FHIT: variants seen among roughly 807,000 people sequenced by gnomAD.
FHIT encodes fragile histidine triad diadenosine triphosphatase.
A neutral mutation model predicts 17.9 loss-of-function variants in FHIT; 19 were observed. The observed-to-expected ratio is 1.06, with a 90% confidence interval of 0.74 to 1.56. FHIT has a LOEUF of 1.56. Among genes scored for constraint, FHIT ranks in the 40% most tolerant of loss-of-function variants. The pLI, the probability that FHIT is intolerant of heterozygous loss-of-function variation, is 0.00. For missense variants in FHIT, 248 were observed against 189.2 expected (o/e 1.31, Z -1.82); for synonymous variants, 81 against 69.7 (o/e 1.16, Z -0.81).
intron 1 of FHIT, among the ~76,000 whole-genome samples, chr3:61,231,803 A>AGTTT (rs2040109326): frequency 6.6e-6 from 1 of 152,208 alleles, no homozygotes; most frequent in East Asian, 1.9e-4. Context: ...GGAAAAAAGA[A>AGTTT]AGGCTGAGGC....
intron 4 of FHIT, among the ~76,000 whole-genome samples, chr3:60,695,659 C>T (rs1443414063): frequency 6.6e-6 from 1 of 152,128 alleles, no homozygotes; most frequent in East Asian, 1.9e-4. Context: ...TAATCCCTAA[C>T]AAGAGTTCAA....
intron 5 of FHIT, among the ~76,000 whole-genome samples, chr3:60,049,940 C>T (rs1211054312): frequency 2.0e-5 from 3 of 152,142 alleles, no homozygotes; most frequent in African/African-American, 4.8e-5. Context: ...TTTTATGCAT[C>T]CTCACTAATA....
chr3:61,074,031 G>C (rs932254152), intron 2 of FHIT, among the ~76,000 whole-genome samples: 18 of 152,156 alleles, frequency 1.2e-4, no homozygotes, highest in African/African-American at 1.9e-4. Flanking sequence ...TTAGACACGA[G>C]AATGTAATTG....
chr3:60,608,215 CTTCAT>C (rs2107726349), intron 4 of FHIT, among the ~76,000 whole-genome samples: 1 of 152,312 alleles, frequency 6.6e-6, no homozygotes, highest in East Asian at 1.9e-4. Flanking sequence ...TCTCTTTCCT[CTTCAT>C]TTCTAGTGGC....
At chr3:60,622,111 A>G (rs721206) in intron 4 of FHIT, among the ~76,000 whole-genome samples, 43 of 152,266 alleles carry the variant, frequency 2.8e-4, no homozygotes, top group African/African-American at 8.7e-4. Flanking sequence ...AGATGACTCA[A>G]TGATTGGTGA....
intron 4 of FHIT, among the ~76,000 whole-genome samples, chr3:60,724,892 TC>T (rs1189718861): frequency 1.3e-5 from 2 of 152,020 alleles, no homozygotes; most frequent in Non-Finnish European, 2.9e-5. Context: ...CAAGTGATCT[TC>T]CCGCCTCAGC....
intron 5 of FHIT, among the ~76,000 whole-genome samples, chr3:60,286,589 C>G (rs1030116705): frequency 2.0e-5 from 3 of 152,124 alleles, no homozygotes; most frequent in African/African-American, 7.2e-5. Flanking sequence ...TTTTTTATCT[C>G]AAACAGAGTG....
intron 2 of FHIT, among the ~76,000 whole-genome samples, chr3:61,107,999 G>C (rs932248071): frequency 6.6e-6 from 1 of 152,140 alleles, no homozygotes; most frequent in African/African-American, 2.4e-5. Flanking sequence ...AAAACCTTTA[G>C]GCTGAACTTA....
chr3:60,889,169 T>C (rs1349251713), intron 3 of FHIT, among the ~76,000 whole-genome samples: 1 of 152,176 alleles, frequency 6.6e-6, no homozygotes, highest in Non-Finnish European at 1.5e-5. Context: ...AACCATTTTT[T>C]TTCCCTCCAA....
chr3:60,233,191 A>G (rs1367141784), intron 5 of FHIT, among the ~76,000 whole-genome samples: 1 of 152,202 alleles, frequency 6.6e-6, no homozygotes, highest in South Asian at 2.1e-4. Flanking sequence ...TAAATCCCCA[A>G]TGACTCCTGA....
intron 4 of FHIT, among the ~76,000 whole-genome samples, chr3:60,693,766 A>G (rs367796447): frequency 6.6e-6 from 1 of 152,350 alleles, no homozygotes; most frequent in Non-Finnish European, 1.5e-5. Context: ...TGAATAGCAT[A>G]AACTCATTCA....
intron 3 of FHIT, among the ~76,000 whole-genome samples, chr3:61,003,812 T>G (rs1350704363): frequency 6.6e-6 from 1 of 152,276 alleles, no homozygotes; most frequent in East Asian, 1.9e-4. Flanking sequence ...TCTGCCTAGT[T>G]TTTCTCTTAT....
chr3:59,934,548 T>C (rs1706135931), intron 7 of FHIT, among the ~76,000 whole-genome samples: 1 of 152,162 alleles, frequency 6.6e-6, no homozygotes, highest in Non-Finnish European at 1.5e-5. Flanking sequence ...AGCTATTTAA[T>C]GAGAAGAGAG....
intron 5 of FHIT, among the ~76,000 whole-genome samples, chr3:60,056,847 T>C (rs913022334): frequency 6.6e-6 from 1 of 152,182 alleles, no homozygotes; most frequent in Non-Finnish European, 1.5e-5. Flanking sequence ...CAGAAAAACA[T>C]GTTTTCCTTC....
At chr3:60,113,453 G>C (rs74418294) in intron 5 of FHIT, among the ~76,000 whole-genome samples, 4,650 of 151,928 alleles carry the variant, frequency 0.031, 92 homozygotes, top group Non-Finnish European at 0.041. Flanking sequence ...CATACACAGT[G>C]AATCTACTAA....
At chr3:60,843,653 C>T (rs1333342376) in intron 3 of FHIT, among the ~76,000 whole-genome samples, 3 of 146,578 alleles carry the variant, frequency 2.0e-5, no homozygotes, top group African/African-American at 7.6e-5. Context: ...ATTGATATCA[C>T]AGGCTGCTTC....
intron 8 of FHIT, among the ~76,000 whole-genome samples, chr3:59,770,367 A>G (rs1220218490): frequency 1.3e-5 from 2 of 152,228 alleles, no homozygotes; most frequent in East Asian, 3.8e-4. Flanking sequence ...GGTTAAAAGA[A>G]GGGCATTAGG....
intron 5 of FHIT, among the ~76,000 whole-genome samples, chr3:60,052,500 T>C (rs971326534): frequency 2.0e-5 from 3 of 152,138 alleles, no homozygotes; most frequent in South Asian, 2.1e-4. Context: ...GTTTTTCTTT[T>C]ACCAGTAGGC....
intron 5 of FHIT, among the ~76,000 whole-genome samples, chr3:60,405,182 G>C (rs1701806428): frequency 6.6e-6 from 1 of 152,194 alleles, no homozygotes. Flanking sequence ...GGACTGGACT[G>C]AGAATTTGTC....
Sources: gnomAD v4.1 joint callset for allele counts (sites outside exome capture counted in the v4.1 genomes callset) on GRCh38, gnomAD v4.1.1 for gene constraint, MANE v1.5 for transcripts, NCBI Gene and HGNC (gene_info 2026-07-23, HGNC 2026-07-21) for gene names.